Variants in PDE1A observed in about 807,000 individuals in gnomAD.
PDE1A encodes phosphodiesterase 1A.
PDE1A carries 35 observed loss-of-function variants against 61.7 expected under a neutral mutation model. The ratio of observed to expected loss-of-function variants is 0.57; its 90% CI spans 0.43 to 0.75. The LOEUF is 0.75. Among genes scored for constraint, PDE1A ranks in the 30% least tolerant of loss-of-function variants. The probability of loss-of-function intolerance (pLI) is 0.00; values close to 1 mark genes in which losing one functional copy is unlikely to be tolerated. For missense variants in PDE1A, 597 were observed against 630.6 expected (o/e 0.95, Z 0.57); for synonymous variants, 232 against 213.2 (o/e 1.09, Z -0.77).
At chr2:182,177,113 T>C (rs1002829659) in intron 13 of PDE1A, among the ~76,000 whole-genome samples, 2 of 150,748 alleles carry the variant, frequency 1.3e-5, no homozygotes, top group African/African-American at 4.8e-5. Flanking sequence ...GATTTTTGCA[T>C]CAATGTTCAT....
At chr2:182,411,622 T>A (rs1051677045) in intron 1 of PDE1A, among the ~76,000 whole-genome samples, 1 of 152,324 alleles carries the variant, frequency 6.6e-6, no homozygotes, top group African/African-American at 2.4e-5. Context: ...AGAGTTCCAA[T>A]TGCTCTAAAT....
At chr2:182,272,474 TA>T (rs1194641961) in intron 1 of PDE1A, among the ~76,000 whole-genome samples, 1 of 152,220 alleles carries the variant, frequency 6.6e-6, no homozygotes, top group Non-Finnish European at 1.5e-5. Context: ...GAGGAAAGAA[TA>T]AAGGCATTTT....
intron 2 of PDE1A, among the ~76,000 whole-genome samples, chr2:182,444,547 A>C (rs1237901535): frequency 1.3e-5 from 2 of 152,090 alleles, no homozygotes; most frequent in Non-Finnish European, 2.9e-5. Context: ...GCATATCTAT[A>C]TTGTACTTGA....
intron 1 of PDE1A, among the ~76,000 whole-genome samples, chr2:182,366,130 C>A (rs1481052731): frequency 1.3e-5 from 2 of 152,128 alleles, no homozygotes; most frequent in East Asian, 3.9e-4. Context: ...TGAGAAGTTT[C>A]TCTTCTAGAG....
the PDE1A span, among the ~76,000 whole-genome samples, chr2:182,647,132 C>G: frequency 9.2e-5 from 14 of 152,264 alleles, no homozygotes; most frequent in African/African-American, 2.9e-4. Context: ...TTAAGGCTGT[C>G]CAGCTGAGGA....
the PDE1A span, among the ~76,000 whole-genome samples, chr2:182,668,456 C>A: frequency 0.64 from 97,278 of 151,502 alleles, 31,712 homozygotes; most frequent in Middle Eastern, 0.78. Flanking sequence ...GCAAAAAAAA[C>A]CAATAGAGGC....
At chr2:182,304,534 C>T (rs1358843197) in intron 1 of PDE1A, among the ~76,000 whole-genome samples, 9 of 152,150 alleles carry the variant, frequency 5.9e-5, no homozygotes, top group Admixed American at 5.2e-4. Context: ...TTGCCTTCCT[C>T]GTTAAACTTA....
At chr2:182,259,874 A>G (rs1190099599) in intron 2 of PDE1A, among the ~76,000 whole-genome samples, 1 of 152,226 alleles carries the variant, frequency 6.6e-6, no homozygotes, top group African/African-American at 2.4e-5. Flanking sequence ...ACAATCGAAC[A>G]TATTTTTTTA....
the PDE1A span, among the ~76,000 whole-genome samples, chr2:182,665,584 G>A: frequency 3.9e-5 from 6 of 152,182 alleles, no homozygotes; most frequent in Non-Finnish European, 8.8e-5. Context: ...TTGTGAGGCT[G>A]TGGAGAAATA....
intron 5 of PDE1A, 73 bp from the exon 6 acceptor site, chr2:182,230,219 C>T: frequency 8.3e-7 from 1 of 1,206,500 alleles, no homozygotes; most frequent in Non-Finnish European, 1.2e-6. Flanking sequence ...CACTGTTTGT[C>T]ATGGAACATA....
chr2:182,679,360 T>TC, the PDE1A span, among the ~76,000 whole-genome samples: 1 of 146,522 alleles, frequency 6.8e-6, no homozygotes, highest in African/African-American at 2.5e-5. Flanking sequence ...ATTTTTTTTT[T>TC]TTTTTTTTTT....
intron 3 of PDE1A, among the ~76,000 whole-genome samples, chr2:182,235,608 T>G (rs1383247092): frequency 6.6e-6 from 1 of 152,216 alleles, no homozygotes; most frequent in Non-Finnish European, 1.5e-5. Flanking sequence ...TATTCGGGAC[T>G]CTGAAAGAAA....
intron 1 of PDE1A, among the ~76,000 whole-genome samples, chr2:182,348,130 T>C (rs115600512): frequency 1.9e-3 from 294 of 152,328 alleles, no homozygotes; most frequent in African/African-American, 6.8e-3. Flanking sequence ...ACTACTTGGC[T>C]ATAATCACAG....
the PDE1A span, among the ~76,000 whole-genome samples, chr2:182,604,102 A>T: frequency 6.6e-6 from 1 of 152,094 alleles, no homozygotes; most frequent in Non-Finnish European, 1.5e-5. Context: ...AATTAAGAAG[A>T]TCTTACTGGA....
At chr2:182,201,647 T>TTAAA in intron 9 of PDE1A, 41 bp downstream of exon 9, 1 of 569,378 alleles carries the variant, frequency 1.8e-6, no homozygotes, top group Non-Finnish European at 2.3e-6. Flanking sequence ...AACTTTAACA[T>TTAAA]GACAAAAAAA....
chr2:182,407,709 A>G (rs1702379796), intron 1 of PDE1A, among the ~76,000 whole-genome samples: 1 of 152,128 alleles, frequency 6.6e-6, no homozygotes, highest in Non-Finnish European at 1.5e-5. Context: ...TATTTGTAAC[A>G]AATGCTACCA....
the PDE1A span, among the ~76,000 whole-genome samples, chr2:182,536,240 T>C: frequency 6.6e-6 from 1 of 152,212 alleles, no homozygotes. Context: ...ACAGGAAGCA[T>C]GTACTTTCTT....
At chr2:182,578,644 A>G in the PDE1A span, among the ~76,000 whole-genome samples, 1 of 152,238 alleles carries the variant, frequency 6.6e-6, no homozygotes, top group Non-Finnish European at 1.5e-5. Context: ...TATACAATAG[A>G]AAAGTATACT....
At chr2:182,262,976 T>TGC (rs1172027994) in intron 2 of PDE1A, among the ~76,000 whole-genome samples, 17 of 151,938 alleles carry the variant, frequency 1.1e-4, no homozygotes, top group Admixed American at 7.2e-4. Context: ...TGTGTGTGTG[T>TGC]GTGTGTGTGT....
Sources: gnomAD v4.1 joint callset for allele counts (sites outside exome capture counted in the v4.1 genomes callset) on GRCh38, gnomAD v4.1.1 for gene constraint, MANE v1.5 for transcripts, NCBI Gene and HGNC (gene_info 2026-07-23, HGNC 2026-07-21) for gene names.